Variants in ZFHX3 observed in about 807,000 individuals in gnomAD.
The protein encoded by ZFHX3 is zinc finger homeobox protein 3.
In ZFHX3, 42 loss-of-function variants were observed where a neutral mutation model predicts 279.1. That is an observed-to-expected ratio of 0.15 (90% confidence interval 0.12 to 0.19). The LOEUF (loss-of-function observed/expected upper bound fraction) is 0.19, where lower values mean the gene tolerates loss of function less well. Among genes scored for constraint, ZFHX3 ranks in the 10% least tolerant of loss-of-function variants. The pLI, the probability that ZFHX3 is intolerant of heterozygous loss-of-function variation, is 1.00. For missense variants in ZFHX3, 4,981 were observed against 4,754.0 expected (o/e 1.05, Z -1.40); for synonymous variants, 2,293 against 1,957.8 (o/e 1.17, Z -4.52).
intron 3 of ZFHX3, among the ~76,000 whole-genome samples, chr16:73,390,900 C>T (rs2016998417): frequency 6.6e-6 from 1 of 152,000 alleles, no homozygotes; most frequent in East Asian, 1.9e-4. Context: ...GGTCTCATTC[C>T]GTGGTAATGA....
chr16:73,004,398 G>A (rs935112039), intron 1 of ZFHX3, among the ~76,000 whole-genome samples: 14 of 133,992 alleles, frequency 1.0e-4, no homozygotes, highest in Middle Eastern at 5.0e-3. Flanking sequence ...GTGCAATCTC[G>A]GCTCACTGCA....
At chr16:73,416,792 T>A (rs1435472404) in intron 3 of ZFHX3, among the ~76,000 whole-genome samples, 3 of 146,290 alleles carry the variant, frequency 2.1e-5, no homozygotes, top group South Asian at 2.2e-4. Flanking sequence ...GAGAATGGCG[T>A]GAACTCGGGA....
chr16:72,810,120 G>A (rs1041812443), intron 7 of ZFHX3, among the ~76,000 whole-genome samples: 8 of 151,828 alleles, frequency 5.3e-5, no homozygotes, highest in Admixed American at 1.3e-4. Context: ...TCCTGACCTC[G>A]TGATCCACCC....
At chr16:73,714,872 T>C (rs1597078599) in intron 1 of ZFHX3, among the ~76,000 whole-genome samples, 1 of 152,214 alleles carries the variant, frequency 6.6e-6, no homozygotes, top group East Asian at 1.9e-4. Context: ...TGGTAATCTA[T>C]TAGTCCTGCT....
Position 72,836,311 on chromosome 16 carries a change from G to A in ZFHX3, c.3449-6452C>T, listed in dbSNP as rs980426612. ...CCAAGCTATATCCTACCTGTACCGT[G>A]ACAGCCAGACCCAGAATGTAGCAAC... On this transcript the variant is annotated intron_variant, in intron 4 of 9. Transcript: ENST00000268489. Among the ~76,000 whole-genome samples the A allele has an allele frequency of 1.3e-4, 20 of 151,764 alleles. No individual in the cohort carries two copies. In the Middle Eastern group the frequency reaches 0.01, roughly 77 times the overall value.
At chr16:73,801,813 A>G (rs16972612) in intron 1 of ZFHX3, among the ~76,000 whole-genome samples, 42,946 of 151,822 alleles carry the variant, frequency 0.28, 6,900 homozygotes, top group East Asian at 0.61. Flanking sequence ...TTCCACAAAG[A>G]CTCTTAGTGT....
chr16:73,710,500 A>G (rs2053349090), intron 1 of ZFHX3, among the ~76,000 whole-genome samples: 2 of 152,176 alleles, frequency 1.3e-5, no homozygotes, highest in Non-Finnish European at 2.9e-5. Flanking sequence ...ACTGTTGTCC[A>G]CACAGAAGTC....
intron 1 of ZFHX3, among the ~76,000 whole-genome samples, chr16:73,850,513 C>G (rs760656710): frequency 6.6e-6 from 1 of 151,996 alleles, no homozygotes; most frequent in African/African-American, 2.4e-5. Context: ...TGAGAACTCT[C>G]GGGGAAAAGG....
At chr16:73,780,822 G>A (rs938052354) in intron 1 of ZFHX3, among the ~76,000 whole-genome samples, 1 of 152,188 alleles carries the variant, frequency 6.6e-6, no homozygotes, top group Non-Finnish European at 1.5e-5. Context: ...TATTTTAAGA[G>A]TGGATATATG....
At chr16:73,193,532 G>A (rs1363323737) in intron 5 of ZFHX3, among the ~76,000 whole-genome samples, 3 of 152,158 alleles carry the variant, frequency 2.0e-5, no homozygotes, top group South Asian at 2.1e-4. Flanking sequence ...CCAGTATCCT[G>A]GGGGTAAGGA....
At chr16:73,109,694 C>A (rs1344652303) in intron 7 of ZFHX3, among the ~76,000 whole-genome samples, 1 of 152,048 alleles carries the variant, frequency 6.6e-6, no homozygotes, top group African/African-American at 2.4e-5. Flanking sequence ...ACAAAAACCA[C>A]AAAAATTAGC....
At chr16:73,212,684 C>A (rs576103115) in intron 5 of ZFHX3, among the ~76,000 whole-genome samples, 1 of 152,314 alleles carries the variant, frequency 6.6e-6, no homozygotes, top group East Asian at 1.9e-4. Context: ...CTAGTGTTTA[C>A]CTCAATATAC....
chr16:73,337,452 G>A (rs550691546), intron 3 of ZFHX3, among the ~76,000 whole-genome samples: 53 of 152,162 alleles, frequency 3.5e-4, no homozygotes, highest in Non-Finnish European at 4.4e-4. Flanking sequence ...ATCACCTCCC[G>A]TTACTGCTTC....
intron 4 of ZFHX3, among the ~76,000 whole-genome samples, chr16:73,290,015 C>CCACACACACACA (rs10564390): frequency 8.3e-5 from 12 of 144,422 alleles, no homozygotes; most frequent in African/African-American, 3.0e-4. Context: ...AGAGAAATAA[C>CCACACACACACA]CACACACACA....
intron 4 of ZFHX3, among the ~76,000 whole-genome samples, chr16:73,289,858 T>TG (rs2014723682): frequency 6.6e-6 from 1 of 152,162 alleles, no homozygotes; most frequent in Non-Finnish European, 1.5e-5. Flanking sequence ...AAAGCCTTGT[T>TG]GGGTGGGATG....
chr16:73,009,293 A>C (rs746701821), intron 1 of ZFHX3, among the ~76,000 whole-genome samples: 9 of 152,186 alleles, frequency 5.9e-5, no homozygotes, highest in Admixed American at 3.3e-4. Flanking sequence ...CCTACTTTCT[A>C]ATTTCTGCAA....
rs2143425794 is a variant in ZFHX3 at position 72,796,075 on chromosome 16, G to A, written c.6607C>T (p.Arg2203Cys). 1 of 1,614,158 alleles carries A rather than the reference G, an allele frequency of 6.2e-7. No homozygotes were observed. Among genetic ancestry groups the A allele is most frequent in the Non-Finnish European group, 8.5e-7 (1 of 1,180,026 alleles). Residue 2203 changes from arginine to cysteine, a missense_variant, in exon 9 of 10, where the codon CGT becomes TGT. Physicochemically the swap from Arg to Cys is radical, Grantham distance 180 (BLOSUM62 -3). Transcript: ENST00000268489. ...AAGTTGTAAGGGGAGTCCTTGTTAC[G>A]CTGCCTCTCTTTGAAGAGAGTGTTC... Reference protein sequence around the residue: ...FRNTLFKERQRNKDSPYNFSN... With the variant: ...FRNTLFKERQCNKDSPYNFSN...
intron 3 of ZFHX3, among the ~76,000 whole-genome samples, chr16:73,358,952 G>T (rs2016390056): frequency 6.6e-6 from 1 of 152,186 alleles, no homozygotes; most frequent in Admixed American, 6.5e-5. Context: ...GATAACACTT[G>T]AAAGTTGTTT....
intron 1 of ZFHX3, among the ~76,000 whole-genome samples, chr16:73,786,691 G>A (rs1003693587): frequency 6.6e-6 from 1 of 152,178 alleles, no homozygotes. Flanking sequence ...TTCCATGGGT[G>A]CCTGATACCC....
Sources: gnomAD v4.1 joint callset for allele counts (sites outside exome capture counted in the v4.1 genomes callset) on GRCh38, gnomAD v4.1.1 for gene constraint, MANE v1.5 for transcripts, NCBI Gene and HGNC (gene_info 2026-07-23, HGNC 2026-07-21) for gene names.